Variants in ANK1 observed in about 807,000 individuals in gnomAD.
ANK1 encodes ankyrin-1.
A neutral mutation model predicts 210.4 loss-of-function variants in ANK1; 51 were observed. That is an observed-to-expected ratio of 0.24 (90% CI 0.19 to 0.31). ANK1 has a LOEUF of 0.31. Among genes scored for constraint, ANK1 ranks in the 10% least tolerant of loss-of-function variants. The probability of loss-of-function intolerance (pLI) is 1.00; values close to 1 mark genes in which losing one functional copy is unlikely to be tolerated. For missense variants in ANK1, 2,051 were observed against 2,504.4 expected, an observed-to-expected ratio of 0.82 and a Z score of 3.86; for synonymous variants, 967 against 1,025.9, an observed-to-expected ratio of 0.94 and a Z score of 1.10.
intron 40 of ANK1, 69 bp from the exon 41 acceptor site, chr8:41,662,010 GCA>G: frequency 6.4e-7 from 1 of 1,566,320 alleles, no homozygotes; most frequent in Non-Finnish European, 8.7e-7. Context: ...TGTAATCTCA[GCA>G]CTTTGGGAGG....
At chr8:41,699,417 G>A in intron 23 of ANK1, 35 bp downstream of exon 23, 1 of 1,601,078 alleles carries the variant, frequency 6.2e-7, no homozygotes, top group Non-Finnish European at 8.6e-7. Context: ...TTGCATCTCG[G>A]CACCCCCGGG....
At chr8:41,777,575 C>A (rs2150742504) in intron 1 of ANK1, among the ~76,000 whole-genome samples, 1 of 152,182 alleles carries the variant, frequency 6.6e-6, no homozygotes, top group South Asian at 2.1e-4. Flanking sequence ...CAGCAAGACT[C>A]CGTCTCAAAA....
chr8:41,799,797 C>T (rs943632590), upstream of ANK1, among the ~76,000 whole-genome samples: 1 of 152,178 alleles, frequency 6.6e-6, no homozygotes, highest in African/African-American at 2.4e-5. Context: ...AAAGGCCAGG[C>T]ATGCTCAGGG....
chr8:41,766,000 A>G (rs1355531456), intron 1 of ANK1, among the ~76,000 whole-genome samples: 1 of 152,204 alleles, frequency 6.6e-6, no homozygotes, highest in Non-Finnish European at 1.5e-5. Flanking sequence ...GACTGACCTC[A>G]AGATTTTTAG....
chr8:41,668,600 G>A, intron 38 of ANK1, 36 bp from the exon 39 acceptor site: 1 of 1,594,852 alleles, frequency 6.3e-7, no homozygotes, highest in East Asian at 2.2e-5. Context: ...GGCCGGCCGG[G>A]GAGAGAGAAA....
chr8:41,751,948 C>T (rs530240897), intron 2 of ANK1, among the ~76,000 whole-genome samples: 1 of 152,300 alleles, frequency 6.6e-6, no homozygotes, highest in African/African-American at 2.4e-5. Flanking sequence ...CTACCACCTT[C>T]CCTTCCATCA....
intron 1 of ANK1, among the ~76,000 whole-genome samples, chr8:41,889,419 A>C (rs777988699): frequency 3.9e-5 from 6 of 152,330 alleles, no homozygotes; most frequent in Admixed American, 6.5e-5. Context: ...TGCAAATATC[A>C]TTGTCAATGC....
intron 1 of ANK1, among the ~76,000 whole-genome samples, chr8:41,861,224 G>A (rs1813213119): frequency 6.6e-6 from 1 of 152,208 alleles, no homozygotes; most frequent in East Asian, 1.9e-4. Flanking sequence ...AAATTCAGGG[G>A]TCGCTGATGA....
chr8:41,835,641 C>T (rs1807535300), intron 1 of ANK1, among the ~76,000 whole-genome samples: 1 of 152,178 alleles, frequency 6.6e-6, no homozygotes. Context: ...ACACTGGCCG[C>T]AGGGCTGCTT....
At chr8:41,686,727 A>G (rs1021499803) in intron 35 of ANK1, among the ~76,000 whole-genome samples, 4 of 152,190 alleles carry the variant, frequency 2.6e-5, no homozygotes, top group Non-Finnish European at 5.9e-5. Context: ...AGAACCAATG[A>G]GAACAGAAAT....
In ANK1 at chr8:41,736,468, G is replaced by A. The variant is rs143294447; in HGVS notation, c.130-2399C>T. Reference sequence around the variant, plus strand: ...CTAGAAGCTTCCTAGTGCTGACAGCGGATGCCCTGTGATTGCTTGGGAACT... The same window carrying A: ...CTAGAAGCTTCCTAGTGCTGACAGCAGATGCCCTGTGATTGCTTGGGAACT... On this transcript the variant is annotated intron_variant, in intron 2 of 42. Transcript: ENST00000289734. Among the ~76,000 whole-genome samples the A allele has an allele frequency of 2.3e-3, 352 of 152,330 alleles. 1 individual carries two copies. Among genetic ancestry groups the A allele is most frequent in the African/African-American group, 8.1e-3 (337 of 41,570 alleles).
At chr8:41,664,778 C>T in intron 39 of ANK1, 1 of 1,580,690 alleles carries the variant, frequency 6.3e-7, no homozygotes, top group South Asian at 1.1e-5. Context: ...CACCACCAGC[C>T]CTGCCGGCCT....
chr8:41,691,347 G>A (rs934688189), intron 31 of ANK1, among the ~76,000 whole-genome samples: 3 of 152,210 alleles, frequency 2.0e-5, no homozygotes, highest in African/African-American at 7.2e-5. Flanking sequence ...TTTCAACTGA[G>A]AAGTTATCAC....
At chr8:41,892,671 A>G (rs548852286) in intron 1 of ANK1, among the ~76,000 whole-genome samples, 1 of 152,302 alleles carries the variant, frequency 6.6e-6, no homozygotes, top group East Asian at 1.9e-4. Context: ...AGAAGAGAAA[A>G]CAAATCAGGC....
At position 41,655,524 on chromosome 8, in the gene ANK1, T is replaced by C. The variant is rs928842182; in HGVS notation, c.*266A>G. The C allele has an allele frequency of 1.2e-5, 7 of 582,996 alleles. No homozygotes were observed. Among genetic ancestry groups the C allele is most frequent in the Admixed American group, 3.0e-5 (1 of 33,398 alleles). 36.1% of individuals were successfully genotyped at this position (582,996 alleles called of 1,614,324 possible). A position where few individuals can be genotyped will look rare whatever the true frequency, so the allele number is the denominator to read the frequency against. On this transcript the variant is annotated 3_prime_UTR_variant, in exon 43 of 43. Coordinates refer to ENST00000289734, the MANE Select transcript of ANK1 (RefSeq NM_000037.4). ...CCCGCTTCTTGCTGCTTTTGTGTCC[T>C]GGTTCCGACAGATCAGCTGTCATTG... is the stretch of plus-strand genomic sequence containing the variant.
At chr8:41,754,814 C>T (rs964696469) in intron 2 of ANK1, among the ~76,000 whole-genome samples, 2 of 152,296 alleles carry the variant, frequency 1.3e-5, no homozygotes, top group African/African-American at 4.8e-5. Context: ...AACAGCAAAA[C>T]CAAACTGCCC....
chr8:41,821,003 T>A (rs893109468), intron 1 of ANK1, among the ~76,000 whole-genome samples: 2 of 152,206 alleles, frequency 1.3e-5, no homozygotes, highest in Non-Finnish European at 2.9e-5. Flanking sequence ...CTCCCTGATA[T>A]AGACAATTTT....
chr8:41,823,485 T>C (rs565029876), intron 1 of ANK1, among the ~76,000 whole-genome samples: 1 of 152,250 alleles, frequency 6.6e-6, no homozygotes, highest in Admixed American at 6.5e-5. Flanking sequence ...TAAACACAGG[T>C]ATCCACTACT....
intron 1 of ANK1, among the ~76,000 whole-genome samples, chr8:41,879,559 A>G (rs563889746): frequency 6.6e-6 from 1 of 152,302 alleles, no homozygotes; most frequent in East Asian, 1.9e-4. Flanking sequence ...AAGGAGACCA[A>G]ACAATTCTGC....
Sources: gnomAD v4.1 joint callset for allele counts (sites outside exome capture counted in the v4.1 genomes callset) on GRCh38, gnomAD v4.1.1 for gene constraint, MANE v1.5 for transcripts, NCBI Gene and HGNC (gene_info 2026-07-23, HGNC 2026-07-21) for gene names.